PRKN: variants seen among roughly 807,000 people sequenced by gnomAD.
PRKN encodes the protein E3 ubiquitin-protein ligase parkin.
In PRKN, 56 loss-of-function variants were observed where a neutral mutation model predicts 59.5. That is an observed-to-expected ratio of 0.94 (90% CI 0.76 to 1.18). PRKN has a LOEUF of 1.18. Among genes scored for constraint, PRKN ranks in the 50% most tolerant of loss-of-function variants. The pLI, the probability that PRKN is intolerant of heterozygous loss-of-function variation, is 0.00. For synonymous variants in PRKN, 250 were observed against 222.1 expected (o/e 1.13, Z -1.12); for missense variants, 657 against 596.4 (o/e 1.10, Z -1.06).
intron 1 of PRKN, among the ~76,000 whole-genome samples, chr6:162,608,898 A>G (rs1782028177): frequency 6.6e-6 from 1 of 152,100 alleles, no homozygotes; most frequent in Non-Finnish European, 1.5e-5. Flanking sequence ...ATGGGACAGG[A>G]GGGTATCTAC....
intron 1 of PRKN, among the ~76,000 whole-genome samples, chr6:162,500,109 C>T (rs958959645): frequency 6.6e-6 from 1 of 151,862 alleles, no homozygotes; most frequent in East Asian, 1.9e-4. Context: ...CTGCCCTTCT[C>T]AGCTCAGGTG....
intron 1 of PRKN, among the ~76,000 whole-genome samples, chr6:162,668,525 G>A (rs1156769913): frequency 2.2e-5 from 3 of 134,820 alleles, no homozygotes; most frequent in South Asian, 2.1e-4. Context: ...GAGATGAGAC[G>A]ATGAGGACAG....
intron 1 of PRKN, among the ~76,000 whole-genome samples, chr6:162,630,800 T>C (rs1379364463): frequency 2.0e-5 from 3 of 152,158 alleles, no homozygotes; most frequent in Admixed American, 6.6e-5. Flanking sequence ...CACTTGTATT[T>C]GGAAGCAGGT....
intron 1 of PRKN, among the ~76,000 whole-genome samples, chr6:162,583,438 C>T (rs1420310528): frequency 6.6e-6 from 1 of 152,126 alleles, no homozygotes; most frequent in Non-Finnish European, 1.5e-5. Context: ...ACTTTTCCTT[C>T]GATAAACAAA....
At chr6:161,656,479 AC>A (rs958156196) in intron 7 of PRKN, among the ~76,000 whole-genome samples, 2 of 151,592 alleles carry the variant, frequency 1.3e-5, no homozygotes, top group African/African-American at 2.4e-5. Flanking sequence ...TCTCTGCAGC[AC>A]CCCCCACTGC....
chr6:161,848,062 G>C (rs1027237736), intron 6 of PRKN, among the ~76,000 whole-genome samples: 2 of 152,166 alleles, frequency 1.3e-5, no homozygotes, highest in Non-Finnish European at 2.9e-5. Context: ...AAAGAGACTG[G>C]AATTATTGTC....
intron 1 of PRKN, among the ~76,000 whole-genome samples, chr6:162,644,150 T>C (rs1778073125): frequency 6.6e-6 from 1 of 152,088 alleles, no homozygotes; most frequent in Admixed American, 6.6e-5. Flanking sequence ...CCTGGAATCA[T>C]AAAAGGCTCC....
chr6:161,358,488 A>C (rs769438245), intron 11 of PRKN, among the ~76,000 whole-genome samples: 2 of 151,966 alleles, frequency 1.3e-5, no homozygotes, highest in Non-Finnish European at 2.9e-5. Context: ...TGTTGCGTAC[A>C]CCTGTAGTCC....
Position 161,362,655 on chromosome 6 carries a change from C to G in PRKN, c.1168-2450G>C, listed in dbSNP as rs1785021221. Among the ~76,000 whole-genome samples, 1 of 152,168 alleles carries G rather than the reference C, an allele frequency of 6.6e-6. No individual in the cohort carries two copies. Among genetic ancestry groups the G allele is most frequent in the Non-Finnish European group, 1.5e-5 (1 of 68,036 alleles). ...CGAGGGTTGGTGAAAAGAATTCATC[C>G]TATCTGATTAGCTTTAAAAAACCTC... On this transcript the variant is annotated intron_variant, in intron 10 of 11. Transcript: ENST00000366898. The surrounding 1 kb of genome is among the most constrained non-coding windows in gnomAD (Gnocchi z 5.2).
rs1180822771 is a variant in PRKN, at chr6:162,011,364, A to C, written c.619-37947T>G. On this transcript the variant is annotated intron_variant, in intron 5 of 11. Coordinates refer to ENST00000366898, the MANE Select transcript of PRKN (RefSeq NM_004562.3). ...ATATATTATAATATATATTTATAAT[A>C]TATATAATATATTATATATTTATAA... Among the ~76,000 whole-genome samples the C allele has an allele frequency of 1.7e-3, 24 of 14,036 alleles. 5 individuals carry two copies. The highest frequency in any genetic ancestry group is 3.8e-3 in the Admixed American group (2 of 530). 9.2% of individuals were successfully genotyped at this position (14,036 alleles called of 152,430 possible). A position where few individuals can be genotyped will look rare whatever the true frequency, so the allele number is the denominator to read the frequency against.
chr6:161,580,485 GT>G (rs1781294175), intron 7 of PRKN, among the ~76,000 whole-genome samples: 1 of 152,042 alleles, frequency 6.6e-6, no homozygotes. Flanking sequence ...GTTGTTGTTT[GT>G]TTGTTTTTTG....
intron 1 of PRKN, among the ~76,000 whole-genome samples, chr6:162,560,723 G>C (rs935021320): frequency 2.6e-5 from 4 of 151,782 alleles, no homozygotes; most frequent in African/African-American, 9.7e-5. Context: ...TGCAAAATGT[G>C]GCAAAAATAT....
intron 9 of PRKN, among the ~76,000 whole-genome samples, chr6:161,516,085 C>T (rs941239734): frequency 6.6e-6 from 1 of 152,092 alleles, no homozygotes; most frequent in Admixed American, 6.5e-5. Context: ...TGCCCAACTC[C>T]ATTACTTTTT....
At chr6:162,275,210 T>G (rs1780579181) in intron 2 of PRKN, among the ~76,000 whole-genome samples, 1 of 151,632 alleles carries the variant, frequency 6.6e-6, no homozygotes, top group Non-Finnish European at 1.5e-5. Flanking sequence ...TATGTGACTA[T>G]GCCTGAGTCT....
chr6:162,334,592 G>T (rs1182285694), intron 2 of PRKN, among the ~76,000 whole-genome samples: 3 of 152,152 alleles, frequency 2.0e-5, no homozygotes, highest in African/African-American at 7.2e-5. Context: ...TACACAAGGA[G>T]ATTAATTTTG....
At chr6:162,053,544 T>A (rs534481184) in intron 5 of PRKN, among the ~76,000 whole-genome samples, 3 of 152,168 alleles carry the variant, frequency 2.0e-5, no homozygotes, top group Non-Finnish European at 4.4e-5. Flanking sequence ...ATGGCATATA[T>A]GTGCAAAGAG....
intron 9 of PRKN, among the ~76,000 whole-genome samples, chr6:161,510,336 G>C (rs1014337870): frequency 1.3e-5 from 2 of 151,662 alleles, no homozygotes; most frequent in African/African-American, 4.9e-5. Context: ...CGCCAGTGAG[G>C]CATCGTGAAG....
chr6:161,863,963 G>C (rs1794009320), intron 6 of PRKN, among the ~76,000 whole-genome samples: 1 of 152,168 alleles, frequency 6.6e-6, no homozygotes, highest in Non-Finnish European at 1.5e-5. Flanking sequence ...TGCTAAAAAT[G>C]CTAATGATCA....
chr6:162,611,839 C>T (rs1248698562), intron 1 of PRKN, among the ~76,000 whole-genome samples: 1 of 152,064 alleles, frequency 6.6e-6, no homozygotes, highest in African/African-American at 2.4e-5. Context: ...GAAAAAGATA[C>T]TTAGTTATGA....
Sources: gnomAD v4.1 joint callset for allele counts (sites outside exome capture counted in the v4.1 genomes callset) on GRCh38, gnomAD v4.1.1 for gene constraint, Gnocchi (gnomAD v3.1) non-coding constraint, MANE v1.5 for transcripts, NCBI Gene and HGNC (gene_info 2026-07-23, HGNC 2026-07-21) for gene names.